The following MYO9A variants were observed in gnomAD, a reference collection of about 807,000 sequenced individuals.
MYO9A encodes the protein myosin IXA.
MYO9A carries 103 observed loss-of-function variants against 293.3 expected under a neutral mutation model. The ratio of observed to expected loss-of-function variants is 0.35; its 90% CI spans 0.30 to 0.41. The LOEUF is 0.41. Among genes scored for constraint, MYO9A ranks in the 10% least tolerant of loss-of-function variants. The pLI is 1.00. For synonymous variants in MYO9A, 1,001 were observed against 1,035.7 expected, an observed-to-expected ratio of 0.97 and a Z score of 0.64; for missense variants, 2,685 against 3,033.0, an observed-to-expected ratio of 0.89 and a Z score of 2.69.
chr15:71,929,572 A>C (rs1015789294), intron 18 of MYO9A, among the ~76,000 whole-genome samples: 1 of 152,224 alleles, frequency 6.6e-6, no homozygotes, highest in South Asian at 2.1e-4. Flanking sequence ...CACTGTGTTA[A>C]TATGATAAAT....
At chr15:71,975,987 G>A (rs1053882187) in intron 12 of MYO9A, among the ~76,000 whole-genome samples, 4 of 152,248 alleles carry the variant, frequency 2.6e-5, no homozygotes, top group East Asian at 1.9e-4. Context: ...TCATTGTTTC[G>A]TTTTCCCTGA....
intron 15 of MYO9A, among the ~76,000 whole-genome samples, chr15:71,939,407 A>T (rs1031274602): frequency 3.3e-5 from 5 of 152,182 alleles, no homozygotes; most frequent in African/African-American, 1.2e-4. Context: ...CTTCGTGTTC[A>T]TAAGTTTTTA....
At position 71,848,981 on chromosome 15, in the gene MYO9A, G is replaced by A. The variant is rs769251749; in HGVS notation, c.6714-13C>T. On this transcript the variant is annotated splice_polypyrimidine_tract_variant and intron_variant, in intron 38 of 41. Coordinates refer to ENST00000356056, the MANE Select transcript of MYO9A (RefSeq NM_006901.4). ...CAGTTCCACACAACTGAAACAGAAG[G>A]AAAGAGAAAAAAACTGTTAAGAGGT... is the stretch of plus-strand genomic sequence containing the variant. 19 of 1,571,406 alleles carry A rather than the reference G, an allele frequency of 1.2e-5. No individual in the cohort carries two copies. The highest frequency in any genetic ancestry group is 1.2e-4 in the South Asian group (10 of 83,044).
intron 13 of MYO9A, among the ~76,000 whole-genome samples, chr15:71,962,459 G>C (rs1483495779): frequency 2.6e-5 from 4 of 152,074 alleles, no homozygotes; most frequent in Non-Finnish European, 5.9e-5. Context: ...TTGGTCCTTG[G>C]CTTGTCCTTA....
rs531999409 is a variant in MYO9A at position 71,894,747 on chromosome 15, T to G, written c.5043-969A>C. The stretch of plus-strand genomic sequence containing the variant: ...TGATTGAAAAACTGTATGATGAGAA[T>G]GCTTTATCATTAAATTCTGGGCAGA... On this transcript the variant is annotated intron_variant, in intron 25 of 41. Transcript: ENST00000356056. 2.0e-4 allele frequency among the ~76,000 whole-genome samples: 30 copies of G among 152,350 alleles called. No homozygotes were observed. The South Asian group carries it at 5.8e-3, about 29-fold the overall frequency.
rs371751137 is a variant in MYO9A, at chr15:71,899,840, T to C, written c.3317A>G (p.Gln1106Arg). 6.8e-6 allele frequency: 11 copies of C among 1,614,198 alleles called. No homozygotes were observed. The African/African-American group carries it at 1.3e-4, about 20-fold the overall frequency. Residue 1106 changes from glutamine (Q) to arginine (R), a missense_variant, in exon 24 of 42, where the codon CAG (glutamine) becomes CGG (arginine). Physicochemically the swap from Gln to Arg is conservative, Grantham distance 43 (BLOSUM62 1). This residue lies in a region of MYO9A where 1,434 missense variants were observed against 1,497.7 expected (regional missense o/e 0.96). Transcript: ENST00000356056. ...ELRAAAIVIQ[Q>R]KWRDYYRRRH... The stretch of plus-strand genomic sequence containing the variant: ...GCGCCTATAGTAATCTCTCCATTTC[T>C]GCTGGATAACGATGGCTGCAGCCCG...
intron 15 of MYO9A, among the ~76,000 whole-genome samples, chr15:71,943,909 G>C (rs972988837): frequency 6.6e-6 from 1 of 152,066 alleles, no homozygotes; most frequent in Non-Finnish European, 1.5e-5. Flanking sequence ...TGAAACATAT[G>C]GGAAAAATAC....
chr15:71,993,103 C>A (rs1490255461), intron 10 of MYO9A, among the ~76,000 whole-genome samples: 1 of 152,092 alleles, frequency 6.6e-6, no homozygotes, highest in African/African-American at 2.4e-5. Context: ...GTAATCCCAG[C>A]ACTTTGGGAG....
intron 1 of MYO9A, among the ~76,000 whole-genome samples, chr15:72,101,197 T>C (rs1596574614): frequency 8.9e-6 from 1 of 112,874 alleles, no homozygotes; most frequent in African/African-American, 3.4e-5. Flanking sequence ...TACTGGGAAG[T>C]GAGGAGCCCC....
chr15:71,946,611 G>C (rs1462060063), intron 15 of MYO9A, among the ~76,000 whole-genome samples: 1 of 152,182 alleles, frequency 6.6e-6, no homozygotes, highest in African/African-American at 2.4e-5. Context: ...CAATACAGTA[G>C]CCACTAGCTA....
chr15:72,037,940 G>A (rs1207965055), intron 2 of MYO9A, among the ~76,000 whole-genome samples: 6 of 150,022 alleles, frequency 4.0e-5, no homozygotes, highest in Middle Eastern at 3.4e-3. Flanking sequence ...TCTGAGACAG[G>A]GTCTCACTCT....
intron 19 of MYO9A, among the ~76,000 whole-genome samples, chr15:71,910,741 G>A (rs920846753): frequency 6.6e-6 from 1 of 152,066 alleles, no homozygotes; most frequent in East Asian, 1.9e-4. Flanking sequence ...GTTTTACATA[G>A]GTGTGTTGGC....
intron 2 of MYO9A, among the ~76,000 whole-genome samples, chr15:72,044,346 C>T (rs1033520432): frequency 6.6e-6 from 1 of 150,412 alleles, no homozygotes; most frequent in African/African-American, 2.5e-5. Context: ...GCAGAGGCTG[C>T]GGTGAGCCGA....
chr15:72,096,177 G>GA (rs71133955), intron 1 of MYO9A, among the ~76,000 whole-genome samples: 18 of 130,660 alleles, frequency 1.4e-4, no homozygotes, highest in South Asian at 2.5e-4. Context: ...AAAAAAAAAA[G>GA]AAAAAAAAAA....
intron 17 of MYO9A, among the ~76,000 whole-genome samples, chr15:71,934,786 C>CTTTTTTTTTTTTTTTTTTTTTTT (rs1167613386): frequency 1.6e-5 from 1 of 61,792 alleles, no homozygotes; most frequent in East Asian, 4.9e-4. Flanking sequence ...CTTTTCTTTT[C>CTTTTTTTTTTTTTTTTTTTTTTT]TTTTTTTTTT....
rs759891780 is a variant in MYO9A, at chr15:72,046,465, C to G, written c.99G>C (p.Pro33=). The G allele has an allele frequency of 6.2e-7, 1 of 1,614,140 alleles. No individual in the cohort carries two copies. The highest frequency in any genetic ancestry group is 8.5e-7 in the Non-Finnish European group (1 of 1,180,024). The change falls in exon 2 of 42, where the codon CCG becomes CCC. Residue 33 remains proline, a synonymous_variant. Transcript: ENST00000356056. ...GAISEGTIYC[P]IPARKNSTAA... is the part of the protein sequence containing the mutation. ...CTGTGGAGTTTTTTCTGGCAGGAAT[C>G]GGACAGTAGATTGTCCCTTCTGAAA...
intron 12 of MYO9A, among the ~76,000 whole-genome samples, chr15:71,968,696 T>C (rs979510472): frequency 2.0e-5 from 3 of 152,064 alleles, no homozygotes; most frequent in East Asian, 1.9e-4. Context: ...ATAGGAAATA[T>C]GGAAATACAA....
chr15:72,015,979 C>T (rs955460160), intron 6 of MYO9A, among the ~76,000 whole-genome samples: 2 of 152,160 alleles, frequency 1.3e-5, no homozygotes, highest in East Asian at 1.9e-4. Context: ...TGAGCCACTG[C>T]GCCCAGCCTC....
intron 2 of MYO9A, among the ~76,000 whole-genome samples, chr15:72,034,450 C>T (rs2077978532): frequency 6.6e-6 from 1 of 152,010 alleles, no homozygotes; most frequent in Non-Finnish European, 1.5e-5. Context: ...CAGAAATGTC[C>T]CTCATGAATG....
Sources: gnomAD v4.1 joint callset for allele counts (sites outside exome capture counted in the v4.1 genomes callset) on GRCh38, gnomAD v4.1.1 for gene constraint, gnomAD v4.1.1 regional missense constraint, MANE v1.5 for transcripts, NCBI Gene and HGNC (gene_info 2026-07-23, HGNC 2026-07-21) for gene names.